PCDHA3: variants seen among roughly 807,000 people sequenced by gnomAD.
PCDHA3 encodes protocadherin alpha-3.
In PCDHA3, 41 loss-of-function variants were observed where a neutral mutation model predicts 62.2. The observed-to-expected ratio is 0.66, with a 90% CI of 0.51 to 0.86. The LOEUF (loss-of-function observed/expected upper bound fraction) is 0.86, where lower values mean the gene tolerates loss of function less well. Ranked by LOEUF, PCDHA3 falls within the 40% of genes least tolerant of loss-of-function variation. The probability of loss-of-function intolerance (pLI) is 0.00; values close to 1 mark genes in which losing one functional copy is unlikely to be tolerated. For missense variants in PCDHA3, 1,304 were observed against 1,241.2 expected, an observed-to-expected ratio of 1.05 and a Z score of -0.76; for synonymous variants, 640 against 555.4, an observed-to-expected ratio of 1.15 and a Z score of -2.14.
At chr5:140,844,643 T>C (rs1405874201) in intron 1 of PCDHA3, among the ~76,000 whole-genome samples, 1 of 149,602 alleles carries the variant, frequency 6.7e-6, no homozygotes, top group Non-Finnish European at 1.5e-5. Context: ...CATGATAATT[T>C]CATTCTTGCA....
At position 140,969,169 on chromosome 5, in the gene PCDHA3, A is replaced by G. The variant is rs201735192; in HGVS notation, c.2395-9780A>G. 2.0e-5 allele frequency: 33 copies of G among 1,614,094 alleles called. No homozygotes were observed. In the Admixed American group the frequency reaches 5.5e-4, roughly 27 times the overall value. On this transcript the variant is annotated intron_variant, in intron 1 of 3. Transcript: ENST00000522353. The stretch of plus-strand genomic sequence containing the variant: ...ACAAGGCCTGTCTGACAGCAGGCTC[A>G]GGGAGTGACACTTTCATGTTTTACA...
chr5:140,854,310 T>C (rs2043072998), intron 1 of PCDHA3: 2 of 329,758 alleles, frequency 6.1e-6, no homozygotes, highest in Non-Finnish European at 8.7e-6. Context: ...GTGGAGATGA[T>C]TGATCAATGG....
intron 1 of PCDHA3, chr5:140,822,981 T>G (rs2150120995): frequency 6.2e-7 from 1 of 1,614,242 alleles, no homozygotes; most frequent in Admixed American, 1.7e-5. Context: ...CCTTCAAGAA[T>G]TACTACTCGT....
At chr5:140,850,606 T>G (rs2150490821) in intron 1 of PCDHA3, 6 of 1,598,534 alleles carry the variant, frequency 3.8e-6, no homozygotes, top group Non-Finnish European at 5.1e-6. Flanking sequence ...ATCATCGCCA[T>G]CTGCGCGGTG....
Position 140,979,001 on chromosome 5 carries a change from T to C in PCDHA3, c.2447T>C (p.Met816Thr). ...WRYSASLRAG[M>T]HSSVHLEEAG... Reference sequence around the variant, plus strand: ...TACTCTGCCTCCCTGAGAGCAGGCATGCACAGGTATGTATTTCCCTCCTCA... The same window carrying C: ...TACTCTGCCTCCCTGAGAGCAGGCACGCACAGGTATGTATTTCCCTCCTCA... Residue 816 changes from methionine (M) to threonine (T), a missense_variant, in exon 2 of 4, where the codon ATG becomes ACG. By Grantham distance (81) the Met-to-Thr change is moderately conservative (BLOSUM62 -1). Transcript: ENST00000522353. 6.2e-7 allele frequency: 1 copy of C among 1,614,148 alleles called. No individual in the cohort carries two copies. Among genetic ancestry groups the C allele is most frequent in the Non-Finnish European group, 8.5e-7 (1 of 1,180,016 alleles).
intron 3 of PCDHA3, among the ~76,000 whole-genome samples, chr5:141,003,751 T>G (rs3822342): frequency 0.05 from 7,683 of 152,316 alleles, 243 homozygotes; most frequent in South Asian, 0.11. Flanking sequence ...ATATTTTGTA[T>G]AATTATGGTC....
At chr5:140,926,296 G>A in intron 1 of PCDHA3, 1 of 152,316 alleles carries the variant, frequency 6.6e-6, no homozygotes, top group Non-Finnish European at 1.5e-5. Context: ...GCTGAGTCCC[G>A]CCCTCTCCGC....
intron 1 of PCDHA3, among the ~76,000 whole-genome samples, chr5:140,897,136 A>G (rs1206983852): frequency 6.6e-6 from 1 of 152,096 alleles, no homozygotes; most frequent in Admixed American, 6.5e-5. Context: ...TAAACTTTCT[A>G]GCCTTTGTTA....
intron 1 of PCDHA3, among the ~76,000 whole-genome samples, chr5:140,937,756 C>CA (rs2091723973): frequency 1.3e-5 from 2 of 151,360 alleles, no homozygotes; most frequent in African/African-American, 4.9e-5. Flanking sequence ...ACTAAAAATA[C>CA]AAAAAATTAG....
At chr5:140,807,440 T>C (rs1325948776) in intron 1 of PCDHA3, 2 of 1,602,736 alleles carry the variant, frequency 1.2e-6, no homozygotes, top group African/African-American at 2.8e-5. Flanking sequence ...TGGCATTTTG[T>C]TTGTGAATTC....
chr5:141,002,975 A>G (rs188944079), intron 3 of PCDHA3, among the ~76,000 whole-genome samples: 1 of 152,338 alleles, frequency 6.6e-6, no homozygotes, highest in Admixed American at 6.5e-5. Context: ...TGAAAATAGT[A>G]TCCTTGGTCA....
intron 1 of PCDHA3, chr5:140,821,788 CG>C: frequency 6.2e-7 from 1 of 1,611,448 alleles, no homozygotes; most frequent in Non-Finnish European, 8.5e-7. Flanking sequence ...GGTATATTCC[CG>C]GAGAGGAAGT....
chr5:140,966,970 G>C, intron 1 of PCDHA3: 1 of 1,602,870 alleles, frequency 6.2e-7, no homozygotes, highest in Non-Finnish European at 8.5e-7. Flanking sequence ...TGGGGCTTGA[G>C]CTGCGGCGCT....
intron 1 of PCDHA3, among the ~76,000 whole-genome samples, chr5:140,933,797 A>G (rs1419925900): frequency 6.6e-6 from 1 of 152,062 alleles, no homozygotes; most frequent in African/African-American, 2.4e-5. Context: ...GAAAATTTTA[A>G]TTGAGATCAA....
intron 1 of PCDHA3, among the ~76,000 whole-genome samples, chr5:140,913,421 A>T (rs2076328410): frequency 6.6e-6 from 1 of 152,144 alleles, no homozygotes; most frequent in Non-Finnish European, 1.5e-5. Flanking sequence ...CTGCAGTATC[A>T]GTTGTAATGC....
chr5:140,916,956 C>T (rs1554197714), intron 1 of PCDHA3, among the ~76,000 whole-genome samples: 1 of 152,220 alleles, frequency 6.6e-6, no homozygotes, highest in Non-Finnish European at 1.5e-5. Flanking sequence ...TTGCTGAGTT[C>T]TGACTGCTGG....
At chr5:140,882,684 G>A (rs781811851) in intron 1 of PCDHA3, 3 of 1,614,172 alleles carry the variant, frequency 1.9e-6, no homozygotes, top group South Asian at 1.1e-5. Context: ...AGCAAGAAAC[G>A]AATAATCATT....
chr5:140,837,972 C>T (rs929090739), intron 1 of PCDHA3, among the ~76,000 whole-genome samples: 2 of 151,768 alleles, frequency 1.3e-5, no homozygotes, highest in African/African-American at 2.4e-5. Context: ...AACAACCACA[C>T]CCAGCCTGCC....
chr5:140,851,678 C>T, intron 1 of PCDHA3: 1 of 917,638 alleles, frequency 1.1e-6, no homozygotes, highest in Non-Finnish European at 1.3e-6. Context: ...GAAATTTTCT[C>T]CATTCAGTGA....
Sources: allele counts gnomAD v4.1 joint callset (sites outside exome capture counted in the v4.1 genomes callset), GRCh38; gene constraint gnomAD v4.1.1; transcripts MANE v1.5; gene names NCBI Gene and HGNC (gene_info 2026-07-23, HGNC 2026-07-21).